Variants in MOCOS observed in about 807,000 individuals in gnomAD.
MOCOS encodes molybdenum cofactor sulfurase.
MOCOS carries 86 observed loss-of-function variants against 83.6 expected under a neutral mutation model. That is an observed-to-expected ratio of 1.03 (90% CI 0.86 to 1.23). MOCOS has a LOEUF of 1.23. MOCOS is among the 50% of genes most tolerant of loss of function. The pLI is 0.00. For missense variants in MOCOS, 1,120 were observed against 1,126.9 expected (o/e 0.99, Z 0.09); for synonymous variants, 445 against 434.7 (o/e 1.02, Z -0.29).
At chr18:36,200,858 C>A (rs947792113) in intron 4 of MOCOS, among the ~76,000 whole-genome samples, 1 of 152,184 alleles carries the variant, frequency 6.6e-6, no homozygotes, top group Admixed American at 6.5e-5. Context: ...GCAGTGTTAG[C>A]GGCAACCTCT....
chr18:36,262,860 A>G (rs1409701319), intron 13 of MOCOS, among the ~76,000 whole-genome samples: 1 of 152,200 alleles, frequency 6.6e-6, no homozygotes, highest in African/African-American at 2.4e-5. Context: ...TGAAATCCCA[A>G]TGCTTTAGGA....
chr18:36,265,435 C>G (rs2091678747), intron 13 of MOCOS, among the ~76,000 whole-genome samples: 1 of 152,222 alleles, frequency 6.6e-6, no homozygotes, highest in South Asian at 2.1e-4. Context: ...GTAACAGGAA[C>G]AGGCCAAGAC....
chr18:36,251,355 T>A (rs1474420053), intron 11 of MOCOS, 72 bp downstream of exon 11: 1 of 1,568,714 alleles, frequency 6.4e-7, no homozygotes, highest in Non-Finnish European at 8.7e-7. Flanking sequence ...AAACAGCCCA[T>A]GAACTGCACT....
In MOCOS at chr18:36,226,596, T is replaced by C. The variant is rs534497858; in HGVS notation, c.1960+6379T>C. The stretch of plus-strand genomic sequence containing the variant: ...TTGGCTAGTTGTTTTCTGTTAGTCT[T>C]ATAGTTCTTTTGTCTGTCTTTTCAC... On this transcript the variant is annotated intron_variant, in intron 9 of 14. Coordinates refer to ENST00000261326, the MANE Select transcript of MOCOS (RefSeq NM_017947.4). Among the ~76,000 whole-genome samples, 4 of 152,234 alleles carry C rather than the reference T, an allele frequency of 2.6e-5. No homozygotes were observed. The South Asian group carries it at 8.3e-4, about 32-fold the overall frequency.
intron 9 of MOCOS, among the ~76,000 whole-genome samples, chr18:36,229,466 T>A (rs2091529960): frequency 6.6e-6 from 1 of 152,214 alleles, no homozygotes; most frequent in Non-Finnish European, 1.5e-5. Context: ...TGATTATATG[T>A]GTCTTGGCGT....
intron 9 of MOCOS, among the ~76,000 whole-genome samples, chr18:36,222,978 C>A (rs1014764098): frequency 6.6e-6 from 1 of 152,172 alleles, no homozygotes; most frequent in Non-Finnish European, 1.5e-5. Context: ...CCTTATATAT[C>A]TTTGAGGTTA....
At position 36,260,112 on chromosome 18, in the gene MOCOS, T is replaced by C. The variant is rs2091658206; in HGVS notation, c.2346T>C (p.Asn782=). 1.9e-6 allele frequency: 3 copies of C among 1,614,200 alleles called. No homozygotes were observed. The African/African-American group carries it at 4.0e-5, about 22-fold the overall frequency. The change falls in exon 13 of 15, where the codon AAT becomes AAC. Residue 782 remains asparagine, a synonymous_variant. Coordinates refer to ENST00000261326, the MANE Select transcript of MOCOS (RefSeq NM_017947.4). ...SLRFRANIII[N]GKRAFEEEKW... ...GTTTTCGTGCCAATATTATTATCAA[T>C]GGAAAAAGGGCTTTTGAAGAAGAGA...
At chr18:36,251,053 C>A in intron 10 of MOCOS, 106 bp from the exon 11 acceptor site, 1 of 1,378,794 alleles carries the variant, frequency 7.3e-7, no homozygotes, top group Non-Finnish European at 1.0e-6. Context: ...AGGGCTCATG[C>A]AATGTTTTGT....
In MOCOS at chr18:36,248,929, G is replaced by T. The variant is rs188606897; in HGVS notation, c.1968G>T (p.Glu656Asp). Residue 656 changes from glutamate (E) to aspartate (D), a missense_variant, in exon 10 of 15, where the codon GAG becomes GAT. Coordinates refer to ENST00000261326, the MANE Select transcript of MOCOS (RefSeq NM_017947.4). ...RIMVIKAKGM[E>D]PIEVPLEENS... is the part of the protein sequence containing the mutation. ...TTAACCTTTGTTCATTAGGGATGGA[G>T]CCTATAGAGGTGCCTCTTGAGGAAA... 7.1e-5 allele frequency: 115 copies of T among 1,613,682 alleles called. 1 individual carries two copies. The Middle Eastern group carries it at 1.6e-3, about 23-fold the overall frequency.
At chr18:36,253,582 C>T (rs1239196325) in intron 11 of MOCOS, among the ~76,000 whole-genome samples, 1 of 151,786 alleles carries the variant, frequency 6.6e-6, no homozygotes, top group Non-Finnish European at 1.5e-5. Flanking sequence ...AGGAGAATTG[C>T]TTGAACCCAG....
chr18:36,213,394 T>C lies in MOCOS; in HGVS notation c.1247T>C (p.Ile416Thr). The part of the protein sequence containing the change: ...QVDKMASLYN[I>T]HLRTGCFCNT... ...GACAAAATGGCCAGTCTTTACAACA[T>C]CCACCTGCGAACTGGCTGCTTCTGT... Residue 416 changes from isoleucine (I) to threonine (T), a missense_variant, in exon 7 of 15, where the codon ATC becomes ACC. By Grantham distance (89) the Ile-to-Thr change is moderately conservative. Transcript: ENST00000261326. 6.2e-7 allele frequency: 1 copy of C among 1,614,064 alleles called. No individual in the cohort carries two copies. The highest frequency in any genetic ancestry group is 8.5e-7 in the Non-Finnish European group (1 of 1,179,990).
At chr18:36,246,598 T>G (rs2091603019) in intron 9 of MOCOS, among the ~76,000 whole-genome samples, 1 of 152,202 alleles carries the variant, frequency 6.6e-6, no homozygotes, top group Admixed American at 6.5e-5. Flanking sequence ...GTTTTAGTCC[T>G]TGGTTGTAGT....
intron 9 of MOCOS, among the ~76,000 whole-genome samples, chr18:36,226,608 G>A (rs1195413449): frequency 6.6e-6 from 1 of 150,918 alleles, no homozygotes; most frequent in Non-Finnish European, 1.5e-5. Context: ...TAGTTCTTTT[G>A]TCTGTCTTTT....
chr18:36,217,121 G>A (rs925681236), intron 8 of MOCOS, among the ~76,000 whole-genome samples: 12 of 152,270 alleles, frequency 7.9e-5, no homozygotes, highest in Non-Finnish European at 1.5e-4. Flanking sequence ...TCTGAATGGA[G>A]TCTATTGATT....
At chr18:36,242,212 A>G (rs2091586427) in intron 9 of MOCOS, among the ~76,000 whole-genome samples, 1 of 152,180 alleles carries the variant, frequency 6.6e-6, no homozygotes, top group Admixed American at 6.5e-5. Context: ...CCAATTTCAG[A>G]TCATCTCTCT....
chr18:36,224,539 T>C (rs543157423), intron 9 of MOCOS, among the ~76,000 whole-genome samples: 1 of 152,348 alleles, frequency 6.6e-6, no homozygotes. Context: ...TCCATTGAGA[T>C]GAATATGTAA....
intron 6 of MOCOS, among the ~76,000 whole-genome samples, chr18:36,205,692 G>A (rs1419609009): frequency 6.6e-6 from 1 of 152,194 alleles, no homozygotes; most frequent in East Asian, 1.9e-4. Context: ...ATCGTTGGGT[G>A]TTTGGAAGAC....
intron 13 of MOCOS, among the ~76,000 whole-genome samples, chr18:36,262,762 G>A (rs4426422): frequency 0.19 from 29,264 of 152,168 alleles, 3,156 homozygotes; most frequent in Non-Finnish European, 0.25. Context: ...GCCTCCCAGT[G>A]TTGGGATTAT....
intron 12 of MOCOS, 94 bp downstream of exon 12, chr18:36,257,167 G>T: frequency 4.5e-6 from 5 of 1,111,870 alleles, no homozygotes; most frequent in Non-Finnish European, 6.9e-6. Context: ...AGATCTGAGA[G>T]TCATGAAGTT....
Sources: gnomAD v4.1 joint callset for allele counts (sites outside exome capture counted in the v4.1 genomes callset) on GRCh38, gnomAD v4.1.1 for gene constraint, MANE v1.5 for transcripts, NCBI Gene and HGNC (gene_info 2026-07-23, HGNC 2026-07-21) for gene names.